The following DGKB variants were observed in gnomAD, a reference collection of about 807,000 sequenced individuals.
The protein encoded by DGKB is 90 kDa diacylglycerol kinase.
Under a neutral mutation model 114.3 loss-of-function variants are expected in DGKB, and 67 were observed. The observed-to-expected ratio is 0.59, with a 90% confidence interval of 0.48 to 0.72. DGKB has a LOEUF of 0.72. Ranked by LOEUF, DGKB falls within the 30% of genes least tolerant of loss-of-function variation. The pLI is 0.00. For missense variants in DGKB, 907 were observed against 975.2 expected, an observed-to-expected ratio of 0.93 and a Z score of 0.93; for synonymous variants, 398 against 323.1, an observed-to-expected ratio of 1.23 and a Z score of -2.49.
At chr7:14,666,796 T>A (rs565174607) in intron 13 of DGKB, among the ~76,000 whole-genome samples, 2 of 152,070 alleles carry the variant, frequency 1.3e-5, no homozygotes, top group Admixed American at 6.6e-5. Flanking sequence ...AAAAGCATTC[T>A]AAGTACCTAA....
chr7:14,228,721 T>G (rs894538623), intron 23 of DGKB, among the ~76,000 whole-genome samples: 1 of 151,956 alleles, frequency 6.6e-6, no homozygotes, highest in Non-Finnish European at 1.5e-5. Context: ...TGAGAGAAAT[T>G]AACACTAAGA....
intron 23 of DGKB, among the ~76,000 whole-genome samples, chr7:14,309,709 T>C (rs796231775): frequency 2.0e-5 from 3 of 152,346 alleles, no homozygotes; most frequent in African/African-American, 7.2e-5. Flanking sequence ...AGGATAATTC[T>C]TGTTCTTCAG....
chr7:14,469,400 G>C (rs1455052427), intron 21 of DGKB, among the ~76,000 whole-genome samples: 1 of 151,894 alleles, frequency 6.6e-6, no homozygotes, highest in African/African-American at 2.4e-5. Context: ...TCACTGCAGT[G>C]GCAAAAATAA....
chr7:14,406,021 A>G (rs1223515136), intron 21 of DGKB, among the ~76,000 whole-genome samples: 1 of 152,028 alleles, frequency 6.6e-6, no homozygotes, highest in Non-Finnish European at 1.5e-5. Context: ...CCAGGGGTGG[A>G]GTGACCCAGC....
chr7:14,970,389 T>C (rs116292965), intron 1 of DGKB, among the ~76,000 whole-genome samples: 2,272 of 151,752 alleles, frequency 0.015, 54 homozygotes, highest in African/African-American at 0.05. Context: ...ACAAGTGCTA[T>C]AAAGAAGTAA....
At chr7:14,198,106 G>C (rs544829248) in intron 23 of DGKB, among the ~76,000 whole-genome samples, 1 of 152,050 alleles carries the variant, frequency 6.6e-6, no homozygotes, top group African/African-American at 2.4e-5. Context: ...ATTAGCATTT[G>C]GGACTAAACA....
At chr7:14,214,064 C>T (rs1788571486) in intron 23 of DGKB, among the ~76,000 whole-genome samples, 2 of 152,042 alleles carry the variant, frequency 1.3e-5, no homozygotes, top group Admixed American at 1.3e-4. Context: ...TCTCTGATGC[C>T]ACCATCCTAG....
Position 14,213,089 on chromosome 7 carries a change from A to G in DGKB, c.2123-34938T>C, listed in dbSNP as rs112358018. The stretch of plus-strand genomic sequence containing the variant: ...GTACCAGTTCAATTTGAAATATATC[A>G]GTTTTGTATATCAATTTTTATAAAA... On this transcript the variant is annotated intron_variant, in intron 23 of 25. Transcript: ENST00000402815. 6.2e-3 allele frequency among the ~76,000 whole-genome samples: 937 copies of G among 152,152 alleles called. 7 individuals are homozygous for G. The highest frequency in any genetic ancestry group is 0.021 in the African/African-American group (889 of 41,512).
chr7:14,225,251 A>G (rs569312085), intron 23 of DGKB, among the ~76,000 whole-genome samples: 10 of 152,176 alleles, frequency 6.6e-5, no homozygotes, highest in Middle Eastern at 3.4e-3. Flanking sequence ...TCAAACTGGC[A>G]TGGGGACAAT....
intron 1 of DGKB, among the ~76,000 whole-genome samples, chr7:14,966,146 A>G (rs538605296): frequency 6.6e-6 from 1 of 152,228 alleles, no homozygotes; most frequent in South Asian, 2.1e-4. Flanking sequence ...TTTTATTACA[A>G]CAGTCCATGC....
chr7:14,184,393 C>T (rs945581719), intron 23 of DGKB, among the ~76,000 whole-genome samples: 9 of 152,174 alleles, frequency 5.9e-5, no homozygotes, highest in East Asian at 1.9e-4. Flanking sequence ...GTTTTCAGGC[C>T]GGTCTCACCT....
intron 21 of DGKB, among the ~76,000 whole-genome samples, chr7:14,447,186 A>C (rs899759394): frequency 5.3e-5 from 8 of 152,060 alleles, no homozygotes; most frequent in Admixed American, 1.3e-4. Flanking sequence ...TCAGGGTGGA[A>C]CCCACAGAAG....
At chr7:14,376,941 C>T (rs1316177247) in intron 21 of DGKB, among the ~76,000 whole-genome samples, 2 of 152,152 alleles carry the variant, frequency 1.3e-5, no homozygotes, top group Non-Finnish European at 2.9e-5. Flanking sequence ...AAGCCAGGGG[C>T]AAGTTTTTCA....
chr7:14,533,971 T>C (rs1032212626), intron 20 of DGKB, among the ~76,000 whole-genome samples: 1 of 152,074 alleles, frequency 6.6e-6, no homozygotes, highest in African/African-American at 2.4e-5. Context: ...CCTATGATAG[T>C]ACAAATCTCA....
intron 21 of DGKB, among the ~76,000 whole-genome samples, chr7:14,348,936 C>T (rs1245477380): frequency 3.3e-5 from 5 of 151,824 alleles, no homozygotes; most frequent in African/African-American, 1.2e-4. Flanking sequence ...TGTTTCAGAA[C>T]ATGTAAACAA....
chr7:14,315,459 CA>C lies in DGKB; in HGVS notation c.2122+23055del, dbSNP rs1285600454. 8.6e-5 allele frequency among the ~76,000 whole-genome samples: 13 copies of C among 150,648 alleles called. No homozygotes were observed. The East Asian group carries it at 2.5e-3, about 29-fold the overall frequency. Reference sequence around the variant, plus strand: ...GAAGATCTACCAAGCAAATGGAAAACAAAAAAAGGCAGGGGTTGCAATCCTA... The same window carrying C: ...GAAGATCTACCAAGCAAATGGAAAACAAAAAAGGCAGGGGTTGCAATCCTA... On this transcript the variant is annotated intron_variant, in intron 23 of 25. Transcript: ENST00000402815.
At chr7:14,924,392 G>A (rs1293688389) in intron 1 of DGKB, among the ~76,000 whole-genome samples, 1 of 152,026 alleles carries the variant, frequency 6.6e-6, no homozygotes, top group African/African-American at 2.4e-5. Context: ...AGTTTATGGA[G>A]TTCCTGAATC....
At chr7:14,334,928 AT>A (rs1181021635) in intron 23 of DGKB, among the ~76,000 whole-genome samples, 1 of 152,160 alleles carries the variant, frequency 6.6e-6, no homozygotes, top group Non-Finnish European at 1.5e-5. Context: ...ATTTATTTGT[AT>A]TTATAAACAC....
intron 20 of DGKB, among the ~76,000 whole-genome samples, chr7:14,551,749 A>G (rs10227006): frequency 0.13 from 20,149 of 152,162 alleles, 1,936 homozygotes; most frequent in East Asian, 0.33. Flanking sequence ...GTGCATAATT[A>G]TGCATATTCT....
Sources: gnomAD v4.1 joint callset for allele counts (sites outside exome capture counted in the v4.1 genomes callset) on GRCh38, gnomAD v4.1.1 for gene constraint, MANE v1.5 for transcripts, NCBI Gene and HGNC (gene_info 2026-07-23, HGNC 2026-07-21) for gene names.